KIAA0930: variants seen among roughly 807,000 people sequenced by gnomAD.
The protein encoded by KIAA0930 is KIAA0930, also known as uncharacterized protein KIAA0930.
In KIAA0930, 24 loss-of-function variants were observed where a neutral mutation model predicts 43.9. The observed-to-expected ratio is 0.55, with a 90% CI of 0.40 to 0.77. The LOEUF is 0.77. KIAA0930 is among the 30% of genes least tolerant of loss of function. The pLI is 0.00. For missense variants in KIAA0930, 461 were observed against 574.2 expected (o/e 0.80, Z 2.02); for synonymous variants, 259 against 216.4 (o/e 1.20, Z -1.73).
chr22:45,211,419 C>T, intron 2 of KIAA0930: 1 of 399,414 alleles, frequency 2.5e-6, no homozygotes, highest in East Asian at 3.6e-5. Context: ...TCTCCGAGCC[C>T]TCCGTTTCCT....
Position 45,213,364 on chromosome 22 carries a change from G to C in KIAA0930, c.65-1257C>G, listed in dbSNP as rs943425483. The C allele has an allele frequency of 2.3e-5, 30 of 1,303,662 alleles. No homozygotes were observed. In the African/African-American group the frequency reaches 4.2e-4, roughly 18 times the overall value. 80.8% of individuals were successfully genotyped at this position (1,303,662 alleles called of 1,614,324 possible). On this transcript the variant is annotated intron_variant, in intron 1 of 9. Transcript: ENST00000336156. ...TGGCTCCTGGGCTCTAGGGCAGTGA[G>C]AGGGAGGAAAAGAGAAGGAGGCTTC...
chr22:45,206,988 C>T (rs978327388), intron 2 of KIAA0930, among the ~76,000 whole-genome samples: 27 of 146,430 alleles, frequency 1.8e-4, no homozygotes, highest in African/African-American at 6.3e-4. Context: ...CATGGGCCAC[C>T]GTGCCCGGCC....
chr22:45,225,398 C>A (rs150431000), intron 1 of KIAA0930, among the ~76,000 whole-genome samples: 1 of 152,274 alleles, frequency 6.6e-6, no homozygotes, highest in Non-Finnish European at 1.5e-5. Flanking sequence ...GTGGGGTCTC[C>A]ACGTTGCGTG....
intron 1 of KIAA0930, among the ~76,000 whole-genome samples, chr22:45,238,346 C>T (rs1301188431): frequency 3.3e-5 from 5 of 152,200 alleles, no homozygotes; most frequent in Admixed American, 2.6e-4. Context: ...GCACCTGCTC[C>T]GTATGTGCCC....
intron 1 of KIAA0930, among the ~76,000 whole-genome samples, chr22:45,227,797 T>C (rs2083811727): frequency 6.6e-6 from 1 of 152,234 alleles, no homozygotes; most frequent in African/African-American, 2.4e-5. Flanking sequence ...CTGATAGAGA[T>C]GACCTCATCC....
chr22:45,233,951 G>A (rs377135922), intron 1 of KIAA0930, among the ~76,000 whole-genome samples: 2 of 152,336 alleles, frequency 1.3e-5, no homozygotes, highest in South Asian at 2.1e-4. Context: ...GAAGAGCGGG[G>A]CTGGGGCTGC....
chr22:45,208,582 G>A (rs760048658), intron 2 of KIAA0930, among the ~76,000 whole-genome samples: 13 of 148,958 alleles, frequency 8.7e-5, no homozygotes, highest in Non-Finnish European at 1.4e-4. Context: ...AGGAGACAGA[G>A]CAGCAGCTGC....
rs1387777816 is a variant in KIAA0930, at chr22:45,239,035, A to T, written c.64+1605T>A. Among the ~76,000 whole-genome samples the T allele has an allele frequency of 2.0e-5, 3 of 152,340 alleles. No homozygotes were observed. In the East Asian group the frequency reaches 5.8e-4, roughly 29 times the overall value. Reference sequence around the variant, plus strand: ...AAGTGCTCAGTAAATGCTAGGTGCCATTTTCACTGTTCACTGTTCTTCTGG... The same window carrying T: ...AAGTGCTCAGTAAATGCTAGGTGCCTTTTTCACTGTTCACTGTTCTTCTGG... On this transcript the variant is annotated intron_variant, in intron 1 of 9. Coordinates refer to ENST00000336156, the MANE Select transcript of KIAA0930 (RefSeq NM_001009880.2).
At position 45,203,194 on chromosome 22, in the gene KIAA0930, G is replaced by T; in HGVS notation, c.658-10C>A. 1 of 1,583,032 alleles carries T rather than the reference G, an allele frequency of 6.3e-7. No individual in the cohort carries two copies. On this transcript the variant is annotated splice_polypyrimidine_tract_variant and intron_variant, in intron 6 of 9. Transcript: ENST00000336156. The stretch of plus-strand genomic sequence containing the variant: ...GGGCGGCCACGCTCACCTGGGGGCC[G>T]GCGCGGGGCAGCCTGAGTCAGGGAG...
chr22:45,216,353 G>A (rs1342256386), intron 1 of KIAA0930, among the ~76,000 whole-genome samples: 1 of 152,166 alleles, frequency 6.6e-6, no homozygotes, highest in Non-Finnish European at 1.5e-5. Flanking sequence ...GGACTTGGCT[G>A]AAAGTGAAAG....
Position 45,211,936 on chromosome 22 carries a change from A to C in KIAA0930, c.216+20T>G. On this transcript the variant is annotated intron_variant, in intron 2 of 9. Transcript: ENST00000336156. ...ATGCTTGGGGCACAGACGCAGGGGCAGGGGCCGGGGGTCACTCACCTTCCT... is the reference window on the plus strand; with the variant it reads ...ATGCTTGGGGCACAGACGCAGGGGCCGGGGCCGGGGGTCACTCACCTTCCT... The C allele has an allele frequency of 6.2e-7, 1 of 1,605,584 alleles. No individual in the cohort carries two copies. The highest frequency in any genetic ancestry group is 8.5e-7 in the Non-Finnish European group (1 of 1,178,998).
At chr22:45,200,441 C>T (rs2083577882) in intron 7 of KIAA0930, among the ~76,000 whole-genome samples, 1 of 152,134 alleles carries the variant, frequency 6.6e-6, no homozygotes, top group African/African-American at 2.4e-5. Context: ...AGCGTCAGCC[C>T]ATCTGACACA....
chr22:45,199,719 C>T (rs1157369867), intron 8 of KIAA0930, among the ~76,000 whole-genome samples, 154 bp downstream of exon 8: 1 of 152,232 alleles, frequency 6.6e-6, no homozygotes, highest in Non-Finnish European at 1.5e-5. Context: ...AGCTCTACCC[C>T]TCAGCTCCTG....
chr22:45,228,741 C>CGCCACCACCA (rs1391462846), intron 1 of KIAA0930, among the ~76,000 whole-genome samples: 1 of 79,140 alleles, frequency 1.3e-5, no homozygotes, highest in Non-Finnish European at 2.4e-5. Flanking sequence ...TCTCCACCCC[C>CGCCACCACCA]CTACCACCAC....
At chr22:45,199,182 C>T (rs2235156) in intron 8 of KIAA0930, among the ~76,000 whole-genome samples, 3,752 of 152,254 alleles carry the variant, frequency 0.025, 146 homozygotes, top group East Asian at 0.13. Flanking sequence ...TTGCTTAAAA[C>T]CCCTCAGAGG....
intron 1 of KIAA0930, among the ~76,000 whole-genome samples, chr22:45,239,084 G>A (rs531470677): frequency 6.6e-6 from 1 of 152,292 alleles, no homozygotes; most frequent in South Asian, 2.1e-4. Context: ...GCCTCCTTGC[G>A]GGAGGGGCTG....
At chr22:45,212,581 A>G (rs1197748009) in intron 1 of KIAA0930, 4 of 1,380,570 alleles carry the variant, frequency 2.9e-6, no homozygotes, top group Non-Finnish European at 3.7e-6. Context: ...TTAAAGGGAC[A>G]GCCGCCCTCC....
intron 1 of KIAA0930, among the ~76,000 whole-genome samples, chr22:45,225,066 G>A (rs1255604623): frequency 6.6e-6 from 1 of 152,144 alleles, no homozygotes; most frequent in Non-Finnish European, 1.5e-5. Flanking sequence ...CCCTGGTCAT[G>A]GTCCAAAGGT....
Position 45,196,923 on chromosome 22 carries a change from C to A in KIAA0930, c.*253G>T. ...TAGTCCTCTTTGGGTGCAGAGGGCT[C>A]TCCAGAGATGGGTGGGGGGCGATGG... On this transcript the variant is annotated 3_prime_UTR_variant, in exon 10 of 10. Transcript: ENST00000336156. The surrounding 1 kb of genome is among the most constrained non-coding windows in gnomAD (Gnocchi z 4.1). 2.1e-6 allele frequency: 1 copy of A among 479,446 alleles called. No individual in the cohort carries two copies. Among genetic ancestry groups the A allele is most frequent in the Non-Finnish European group, 3.7e-6 (1 of 271,508 alleles). 29.7% of individuals were successfully genotyped at this position (479,446 alleles called of 1,614,324 possible).
Sources: gnomAD v4.1 joint callset for allele counts (sites outside exome capture counted in the v4.1 genomes callset) on GRCh38, gnomAD v4.1.1 for gene constraint, Gnocchi (gnomAD v3.1) non-coding constraint, MANE v1.5 for transcripts, NCBI Gene and HGNC (gene_info 2026-07-23, HGNC 2026-07-21) for gene names.